Variants in SYNCRIP observed in about 807,000 individuals in gnomAD.
SYNCRIP encodes the protein heterogeneous nuclear ribonucleoprotein Q.
In SYNCRIP, 9 loss-of-function variants were observed where a neutral mutation model predicts 68.9. The ratio of observed to expected loss-of-function variants is 0.13; its 90% CI spans 0.08 to 0.23. SYNCRIP has a LOEUF of 0.23. SYNCRIP is among the 10% of genes least tolerant of loss of function. The pLI is 1.00. For synonymous variants in SYNCRIP, 258 were observed against 254.0 expected (o/e 1.02, Z -0.15); for missense variants, 414 against 770.6 (o/e 0.54, Z 5.48).
chr6:85,615,688 C>G (rs1281911260), intron 10 of SYNCRIP, among the ~76,000 whole-genome samples: 1 of 152,184 alleles, frequency 6.6e-6, no homozygotes. Context: ...TGCCTGTAAT[C>G]CCAGCTATGC....
chr6:85,635,357 TAAATTCTC>T lies in SYNCRIP; in HGVS notation c.666+1602_666+1609del, dbSNP rs983427739. ...AAATCAGACATGATTTGAAAATATCTAAATTCTCAAATTCTCTTTGTAAAGGCTTATAT... is the reference window on the plus strand; with the variant it reads ...AAATCAGACATGATTTGAAAATATCTAAATTCTCTTTGTAAAGGCTTATAT... On this transcript the variant is annotated intron_variant, in intron 6 of 10. Transcript: ENST00000369622. Among the ~76,000 whole-genome samples the T allele has an allele frequency of 2.6e-5, 4 of 152,186 alleles. No homozygotes were observed. In the East Asian group the frequency reaches 5.8e-4, roughly 22 times the overall value.
chr6:85,634,544 C>T (rs1028492816), intron 6 of SYNCRIP, among the ~76,000 whole-genome samples: 1 of 151,740 alleles, frequency 6.6e-6, no homozygotes, highest in Non-Finnish European at 1.5e-5. Flanking sequence ...AGTGTTTGCA[C>T]ATAACCTACG....
intron 4 of SYNCRIP, among the ~76,000 whole-genome samples, chr6:85,639,734 C>T (rs1470172642): frequency 2.0e-5 from 3 of 152,304 alleles, no homozygotes; most frequent in Non-Finnish European, 2.9e-5. Flanking sequence ...CTCCTAGCCT[C>T]AGTTTCTCAT....
At chr6:85,625,170 C>A (rs1806893708) in intron 6 of SYNCRIP, among the ~76,000 whole-genome samples, 1 of 152,118 alleles carries the variant, frequency 6.6e-6, no homozygotes, top group Non-Finnish European at 1.5e-5. Flanking sequence ...AGTTCAAATA[C>A]CATACCTCCA....
chr6:85,643,554 A>C (rs1264719102), upstream of SYNCRIP, among the ~76,000 whole-genome samples: 1 of 138,632 alleles, frequency 7.2e-6, no homozygotes, highest in African/African-American at 2.8e-5. Context: ...GGGCCGGCTC[A>C]GCGTGTCCCA....
chr6:85,613,899 T>G, downstream of SYNCRIP: 12 of 906,002 alleles, frequency 1.3e-5, no homozygotes, highest in African/African-American at 1.8e-5. Flanking sequence ...GCAAACCCTT[T>G]GAGACTACCT....
At position 85,637,060 on chromosome 6, in the gene SYNCRIP, A is replaced by G. The variant is rs1440298826; in HGVS notation, c.573T>C (p.Leu191=). 3 of 1,614,054 alleles carry G rather than the reference A, an allele frequency of 1.9e-6. No homozygotes were observed. In the East Asian group the frequency reaches 6.7e-5, roughly 36 times the overall value. Residue 191 remains leucine, a synonymous_variant, in exon 6 of 11, where the codon CTT becomes CTC. Coordinates refer to ENST00000369622, the MANE Select transcript of SYNCRIP (RefSeq NM_006372.5). ...LFEKAGPIWD[L]RLMMDPLTGL... ...CAGTGAGTGGATCCATCATTAGACG[A>G]AGATCCCATATAGGTCCAGCTTTCT...
chr6:85,627,713 T>C (rs1423191376), intron 6 of SYNCRIP, among the ~76,000 whole-genome samples: 1 of 152,172 alleles, frequency 6.6e-6, no homozygotes, highest in Non-Finnish European at 1.5e-5. Context: ...GTCTTATCTT[T>C]CCTACTCTAG....
At chr6:85,611,787 G>A (rs1038731576), downstream of SYNCRIP, 4 of 152,532 alleles carry the variant, frequency 2.6e-5, no homozygotes, top group South Asian at 8.3e-4. Context: ...TCAGCAGGAA[G>A]AAATGCACTA....
chr6:85,611,048 T>C (rs916826557), downstream of SYNCRIP: 1 of 152,024 alleles, frequency 6.6e-6, no homozygotes, highest in Non-Finnish European at 1.5e-5. Context: ...TTGACAAATT[T>C]TAAATTACAC....
At chr6:85,621,308 G>A (rs1024977262) in intron 8 of SYNCRIP, among the ~76,000 whole-genome samples, 6 of 152,104 alleles carry the variant, frequency 3.9e-5, no homozygotes, top group Admixed American at 1.3e-4. Context: ...TAACAAAGAG[G>A]GAATTCTTAA....
chr6:85,612,034 C>A (rs1293452704), downstream of SYNCRIP: 1 of 152,046 alleles, frequency 6.6e-6, no homozygotes, highest in Non-Finnish European at 1.5e-5. Flanking sequence ...CAAATAACTA[C>A]AATATCTGAA....
At chr6:85,612,177 C>T (rs1805302516), downstream of SYNCRIP, 1 of 151,938 alleles carries the variant, frequency 6.6e-6, no homozygotes, top group Admixed American at 6.6e-5. Context: ...AAAATCTTAC[C>T]CTCATATCAT....
At chr6:85,620,651 T>C (rs765001029) in intron 8 of SYNCRIP, among the ~76,000 whole-genome samples, 21 of 152,216 alleles carry the variant, frequency 1.4e-4, no homozygotes, top group Non-Finnish European at 2.5e-4. Flanking sequence ...CTATGGACTT[T>C]AGGTAATCAA....
chr6:85,625,564 T>C (rs2128288756), intron 6 of SYNCRIP, among the ~76,000 whole-genome samples: 1 of 152,212 alleles, frequency 6.6e-6, no homozygotes, highest in South Asian at 2.1e-4. Context: ...TTTTTTGTAT[T>C]TTTAGTAGAG....
At chr6:85,615,994 G>A (rs1329704566) in intron 10 of SYNCRIP, among the ~76,000 whole-genome samples, 2 of 152,114 alleles carry the variant, frequency 1.3e-5, no homozygotes, top group Non-Finnish European at 2.9e-5. Flanking sequence ...CTACAATAAT[G>A]CTATCCAAGT....
intron 8 of SYNCRIP, 59 bp from the exon 9 acceptor site, chr6:85,619,476 C>A: frequency 7.0e-7 from 1 of 1,438,074 alleles, no homozygotes; most frequent in Non-Finnish European, 9.5e-7. Context: ...TCTAAGATAC[C>A]ACCACCCCAC....
chr6:85,641,465 A>AT lies in SYNCRIP; in HGVS notation c.-12-15dup. Reference sequence around the variant, plus strand: ...GTTTCCAGAGATCTGTTCAAACGCAATAAGCAAAATTAAACTAGGATCTTC... The same window carrying AT: ...GTTTCCAGAGATCTGTTCAAACGCAATTAAGCAAAATTAAACTAGGATCTTC... On this transcript the variant is annotated splice_polypyrimidine_tract_variant and intron_variant, in intron 1 of 10. Transcript: ENST00000369622. The AT allele has an allele frequency of 6.3e-7, 1 of 1,595,574 alleles. No homozygotes were observed. The highest frequency in any genetic ancestry group is 8.5e-7 in the Non-Finnish European group (1 of 1,172,340).
At chr6:85,623,612 C>G (rs1431308117) in intron 7 of SYNCRIP, among the ~76,000 whole-genome samples, 1 of 144,372 alleles carries the variant, frequency 6.9e-6, no homozygotes, top group Non-Finnish European at 1.5e-5. Context: ...CTTACTACTC[C>G]TGTAATTTCA....
Sources: gnomAD v4.1 joint callset for allele counts (sites outside exome capture counted in the v4.1 genomes callset) on GRCh38, gnomAD v4.1.1 for gene constraint, MANE v1.5 for transcripts, NCBI Gene and HGNC (gene_info 2026-07-23, HGNC 2026-07-21) for gene names.